GALNT13: variants seen among roughly 807,000 people sequenced by gnomAD.
The protein encoded by GALNT13 is UDP-GalNAc:polypeptide N-acetylgalactosaminyltransferase 13.
A neutral mutation model predicts 64.2 loss-of-function variants in GALNT13; 28 were observed. That is an observed-to-expected ratio of 0.44 (90% confidence interval 0.32 to 0.60). The LOEUF is 0.60. Ranked by LOEUF, GALNT13 falls within the 20% of genes least tolerant of loss-of-function variation. The pLI is 0.05. For synonymous variants in GALNT13, 214 were observed against 224.6 expected (o/e 0.95, Z 0.42); for missense variants, 577 against 669.8 (o/e 0.86, Z 1.53).
the GALNT13 span, among the ~76,000 whole-genome samples, chr2:153,243,113 T>A: frequency 4.6e-5 from 7 of 152,202 alleles, no homozygotes; most frequent in African/African-American, 1.7e-4. Flanking sequence ...CTTGGTCACC[T>A]GGGTGATATG....
chr2:153,140,016 G>A, the GALNT13 span, among the ~76,000 whole-genome samples: 1 of 152,016 alleles, frequency 6.6e-6, no homozygotes, highest in South Asian at 2.1e-4. Context: ...TCTCCCACCA[G>A]CCCTTAAAAG....
the GALNT13 span, among the ~76,000 whole-genome samples, chr2:153,862,303 T>C: frequency 2.0e-5 from 3 of 152,198 alleles, no homozygotes; most frequent in Non-Finnish European, 2.9e-5. Context: ...GAAAAAAATC[T>C]TGCAGAACTG....
intron 2 of GALNT13, among the ~76,000 whole-genome samples, chr2:153,935,550 A>G (rs1467893260): frequency 1.3e-5 from 2 of 152,238 alleles, no homozygotes; most frequent in Non-Finnish European, 2.9e-5. Flanking sequence ...GATAGAAACA[A>G]TGTTATGCAA....
chr2:153,120,030 T>G, the GALNT13 span, among the ~76,000 whole-genome samples: 8 of 152,236 alleles, frequency 5.3e-5, no homozygotes, highest in African/African-American at 1.9e-4. Flanking sequence ...AAGACAGTGA[T>G]GTTTATAATT....
chr2:154,290,889 G>A (rs1046099830), intron 8 of GALNT13, among the ~76,000 whole-genome samples: 2 of 151,906 alleles, frequency 1.3e-5, no homozygotes, highest in African/African-American at 4.8e-5. Context: ...TCTTAAAGGT[G>A]GCGCGTCTGG....
At chr2:153,971,766 T>G (rs572219346) in intron 3 of GALNT13, among the ~76,000 whole-genome samples, 1 of 152,274 alleles carries the variant, frequency 6.6e-6, no homozygotes. Context: ...TTTCATATTT[T>G]ATGCAAATTG....
At chr2:153,791,646 T>A in the GALNT13 span, among the ~76,000 whole-genome samples, 1 of 152,156 alleles carries the variant, frequency 6.6e-6, no homozygotes. Flanking sequence ...CCAGCACTAT[T>A]TACGATAGCA....
intron 2 of GALNT13, among the ~76,000 whole-genome samples, chr2:153,942,705 A>G (rs1448067889): frequency 6.6e-6 from 1 of 152,032 alleles, no homozygotes; most frequent in Admixed American, 6.6e-5. Flanking sequence ...ATATATATAT[A>G]CACATTCTGA....
chr2:153,468,457 C>T, the GALNT13 span, among the ~76,000 whole-genome samples: 1 of 152,086 alleles, frequency 6.6e-6, no homozygotes, highest in Non-Finnish European at 1.5e-5. Context: ...TCTCATATAA[C>T]ATACAGATAC....
At chr2:153,264,823 A>G in the GALNT13 span, among the ~76,000 whole-genome samples, 1 of 152,176 alleles carries the variant, frequency 6.6e-6, no homozygotes, top group African/African-American at 2.4e-5. Flanking sequence ...ATCAGGAAAA[A>G]CAGCTAATGC....
At chr2:154,426,461 A>G (rs1344099415) in intron 11 of GALNT13, among the ~76,000 whole-genome samples, 1 of 152,232 alleles carries the variant, frequency 6.6e-6, no homozygotes, top group Non-Finnish European at 1.5e-5. Flanking sequence ...CAGGGCATGT[A>G]TACCAGGGGA....
chr2:154,009,997 A>G lies in GALNT13; in HGVS notation c.142+65358A>G, dbSNP rs1440208133. On this transcript the variant is annotated intron_variant, in intron 3 of 12. Transcript: ENST00000392825. ...GTGTATAGAAATGTTACTGAGTTTT[A>G]TACATTGATTTTGTGTCCTGAAATT... 2.6e-5 allele frequency among the ~76,000 whole-genome samples: 4 copies of G among 152,128 alleles called. No homozygotes were observed. In the East Asian group the frequency reaches 7.7e-4, roughly 29 times the overall value.
rs190034554 is a variant in GALNT13, at chr2:154,068,957, T to C, written c.143-71380T>C. Among the ~76,000 whole-genome samples, 50 of 152,134 alleles carry C rather than the reference T, an allele frequency of 3.3e-4. No homozygotes were observed. The East Asian group carries it at 5.6e-3, about 17-fold the overall frequency. ...AATGCTTGAGGTGCTGGATACCCCA[T>C]TTACCCTGTTGTGATGATTATGCAT... On this transcript the variant is annotated intron_variant, in intron 3 of 12. Coordinates refer to ENST00000392825, the MANE Select transcript of GALNT13 (RefSeq NM_052917.4).
At chr2:153,486,321 T>A in the GALNT13 span, among the ~76,000 whole-genome samples, 1 of 152,234 alleles carries the variant, frequency 6.6e-6, no homozygotes, top group African/African-American at 2.4e-5. Context: ...GATTTTAGTA[T>A]TTATATTCTT....
chr2:153,537,246 G>A, the GALNT13 span, among the ~76,000 whole-genome samples: 1 of 152,200 alleles, frequency 6.6e-6, no homozygotes, highest in African/African-American at 2.4e-5. Flanking sequence ...GGCCTTGGAA[G>A]CTTTGGAGGC....
intron 2 of GALNT13, among the ~76,000 whole-genome samples, chr2:153,910,575 G>T (rs979006014): frequency 6.6e-6 from 1 of 152,062 alleles, no homozygotes; most frequent in Non-Finnish European, 1.5e-5. Flanking sequence ...GGCATTTTGT[G>T]CTTCAAATTT....
the GALNT13 span, among the ~76,000 whole-genome samples, chr2:153,627,039 G>A: frequency 1.3e-5 from 2 of 152,190 alleles, 1 homozygote; most frequent in Admixed American, 1.3e-4. Context: ...TTCAAAAAGG[G>A]ATGAGGAATA....
the GALNT13 span, among the ~76,000 whole-genome samples, chr2:153,596,961 A>T: frequency 9.2e-5 from 14 of 152,162 alleles, no homozygotes; most frequent in Admixed American, 9.2e-4. Flanking sequence ...TATCTGTTAT[A>T]TGGAAAACAC....
At chr2:153,557,868 C>T in the GALNT13 span, among the ~76,000 whole-genome samples, 1 of 152,092 alleles carries the variant, frequency 6.6e-6, no homozygotes, top group Non-Finnish European at 1.5e-5. Context: ...TTTATTCCCA[C>T]AGTCCCCTCG....
Sources: allele counts gnomAD v4.1 joint callset (sites outside exome capture counted in the v4.1 genomes callset), GRCh38; gene constraint gnomAD v4.1.1; transcripts MANE v1.5; gene names NCBI Gene and HGNC (gene_info 2026-07-23, HGNC 2026-07-21).